Variants in PML observed in about 807,000 individuals in gnomAD.
PML encodes PML nuclear body scaffold.
A neutral mutation model predicts 65.2 loss-of-function variants in PML; 28 were observed. That is an observed-to-expected ratio of 0.43 (90% CI 0.32 to 0.59). The LOEUF (loss-of-function observed/expected upper bound fraction) is 0.59, where lower values mean the gene tolerates loss of function less well. PML is among the 20% of genes least tolerant of loss of function. The probability of loss-of-function intolerance (pLI) is 0.08; values close to 1 mark genes in which losing one functional copy is unlikely to be tolerated. For synonymous variants in PML, 500 were observed against 508.8 expected, an observed-to-expected ratio of 0.98 and a Z score of 0.23; for missense variants, 1,021 against 1,203.4, an observed-to-expected ratio of 0.85 and a Z score of 2.24.
chr15:74,027,272 C>T (rs1339342644), intron 4 of PML: 1 of 152,160 alleles, frequency 6.6e-6, no homozygotes, highest in Non-Finnish European at 1.5e-5. Flanking sequence ...AATAATAAGG[C>T]CAGGTGTGGT....
At position 74,012,064 on chromosome 15, in the gene PML, A is replaced by C. The variant is rs138868913; in HGVS notation, c.603-10764A>C. 5.6e-3 allele frequency among the ~76,000 whole-genome samples: 850 copies of C among 152,360 alleles called. 8 individuals are homozygous for C. The highest frequency in any genetic ancestry group is 0.02 in the African/African-American group (823 of 41,578). On this transcript the variant is annotated intron_variant, in intron 2 of 8. Transcript: ENST00000268058. ...CCCTTTTACAGAAGATAAAGAAACT[A>C]AAGTGAAATTAGACTTGCTGAACTT...
intron 4 of PML, chr15:74,031,122 A>T (rs1008192387): frequency 3.4e-6 from 1 of 293,556 alleles, no homozygotes; most frequent in Middle Eastern, 4.2e-4. Flanking sequence ...CCCCTTACCC[A>T]TGAAGCAGTC....
At chr15:74,033,579 G>A (rs1298335597) in intron 6 of PML, 165 bp downstream of exon 6, 8 of 791,236 alleles carry the variant, frequency 1.0e-5, no homozygotes, top group East Asian at 2.7e-5. Context: ...GGGTGAGAGT[G>A]GACACAGTTT....
In PML at chr15:74,037,362, G is replaced by A. The variant is rs1333733433; in HGVS notation, c.1710+2832G>A. The A allele has an allele frequency of 1.0e-6, 1 of 985,228 alleles. No individual in the cohort carries two copies. The highest frequency in any genetic ancestry group is 1.2e-6 in the Non-Finnish European group (1 of 829,908). 61.0% of individuals were successfully genotyped at this position (985,228 alleles called of 1,614,324 possible). On this transcript the variant is annotated intron_variant, in intron 7 of 8. Transcript: ENST00000268058. The surrounding 1 kb of genome is among the most constrained non-coding windows in gnomAD (Gnocchi z 4.2). ...TGGAAGGGATGTCCACCTGCCTCCA[G>A]GACTCACCCTGTGTCCTGGCCCCAG...
Position 74,037,031 on chromosome 15 carries a change from A to T in PML, c.1710+2501A>T. ...CCAGCAGAAAATCCTGGAAGGACTC[A>T]GGAGCTTGTCGCCTCTGTGCTGCCA... On this transcript the variant is annotated intron_variant, in intron 7 of 8. Coordinates refer to ENST00000268058, the MANE Select transcript of PML (RefSeq NM_033238.3). This position sits in a 1 kb window ranked among gnomAD's most constrained non-coding sequence, Gnocchi z 4.2. 1 of 985,416 alleles carries T rather than the reference A, an allele frequency of 1.0e-6. No homozygotes were observed. The highest frequency in any genetic ancestry group is 1.7e-5 in the African/African-American group (1 of 57,362). 61.0% of individuals were successfully genotyped at this position (985,416 alleles called of 1,614,324 possible). A position where few individuals can be genotyped will look rare whatever the true frequency, so the allele number is the denominator to read the frequency against.
In PML at chr15:74,045,308, G is replaced by T. The variant is rs1003116527; in HGVS notation, c.*300G>T. ...GAAGGCATGACCTCTGGGCTCTCTA[G>T]GTGGCCCTGGTCTTGCCCCATCCAT... On this transcript the variant is annotated 3_prime_UTR_variant, in exon 9 of 9. Coordinates refer to ENST00000268058, the MANE Select transcript of PML (RefSeq NM_033238.3). 7.1e-6 allele frequency: 3 copies of T among 423,498 alleles called. No individual in the cohort carries two copies. The highest frequency in any genetic ancestry group is 6.1e-4 in the Middle Eastern group (1 of 1,640). The allele number at this position is 423,498 out of a possible 1,614,324, so 26.2% of individuals were successfully genotyped here.
At position 74,044,283 on chromosome 15, in the gene PML, C is replaced by G. The variant is rs747332047; in HGVS notation, c.1924C>G (p.Pro642Ala). The change falls in exon 9 of 9, where the codon CCT (proline) becomes GCT (alanine). Residue 642 changes from proline to alanine, a missense_variant. Coordinates refer to ENST00000268058, the MANE Select transcript of PML (RefSeq NM_033238.3). ...AAGCAAGTTCCGCGTGGTCATCCAGCCTGAAGCCTTCTTCAGCATCTACTC... is the reference window on the plus strand; with the variant it reads ...AAGCAAGTTCCGCGTGGTCATCCAGGCTGAAGCCTTCTTCAGCATCTACTC... ...RESKFRVVIQPEAFFSIYSKA... is the reference protein window; with the variant it reads ...RESKFRVVIQAEAFFSIYSKA... 1.2e-6 allele frequency: 2 copies of G among 1,614,088 alleles called. No homozygotes were observed. The highest frequency in any genetic ancestry group is 1.7e-6 in the Non-Finnish European group (2 of 1,180,008).
intron 1 of PML, 92 bp downstream of exon 1, chr15:73,995,033 T>A (rs2069403813): frequency 8.3e-7 from 1 of 1,203,198 alleles, no homozygotes; most frequent in African/African-American, 1.5e-5. Flanking sequence ...GAGGATTTGG[T>A]CAAGTACCCT....
chr15:74,001,818 G>A (rs1039340763), intron 2 of PML, among the ~76,000 whole-genome samples: 1 of 152,006 alleles, frequency 6.6e-6, no homozygotes, highest in Admixed American at 6.5e-5. Flanking sequence ...GGGCAACATA[G>A]CAAGACCTCA....
chr15:74,033,017 C>A, intron 5 of PML, 139 bp from the exon 6 acceptor site: 1 of 896,126 alleles, frequency 1.1e-6, no homozygotes, highest in Non-Finnish European at 1.8e-6. Context: ...TGAAGAGAGA[C>A]GTAATCTGCG....
chr15:74,034,377 C>T (rs1318658213), intron 6 of PML, 101 bp from the exon 7 acceptor site: 7 of 1,525,972 alleles, frequency 4.6e-6, no homozygotes, highest in Middle Eastern at 3.4e-4. Flanking sequence ...TCCGTTTCCC[C>T]CAGCCGACTG....
chr15:74,033,159 G>A lies in PML; in HGVS notation c.1402G>A (p.Val468Ile). Residue 468 changes from valine to isoleucine, a missense_variant, in exon 6 of 9, where the codon GTC becomes ATC. Physicochemically the swap from Val to Ile is conservative, Grantham distance 29. Transcript: ENST00000268058. The part of the protein sequence containing the change: ...SIKGPSYGED[V>I]SNTTTAQKRK... ...CTCTGTGACTCCCTCTATGCAGGAT[G>A]TCTCCAATACAACGACAGCCCAGAA... The A allele has an allele frequency of 6.2e-7, 1 of 1,614,096 alleles. No homozygotes were observed. Among genetic ancestry groups the A allele is most frequent in the Non-Finnish European group, 8.5e-7 (1 of 1,179,984 alleles).
chr15:74,008,532 A>G (rs2070170565), intron 2 of PML, among the ~76,000 whole-genome samples: 1 of 152,020 alleles, frequency 6.6e-6, no homozygotes, highest in Admixed American at 6.6e-5. Context: ...AGGTCAGGAG[A>G]TTGAGACCAT....
chr15:74,035,518 G>T lies in PML; in HGVS notation c.1710+988G>T, dbSNP rs1340348591. ...TTGCATCGGGCCCCTATTCGGACTT[G>T]GTCTCCCCATGTGGTCCAAGCCAGC... On this transcript the variant is annotated intron_variant, in intron 7 of 8. Coordinates refer to ENST00000268058, the MANE Select transcript of PML (RefSeq NM_033238.3). The surrounding 1 kb of genome is among the most constrained non-coding windows in gnomAD (Gnocchi z 4.1). 6.2e-7 allele frequency: 1 copy of T among 1,611,380 alleles called. No homozygotes were observed. Among genetic ancestry groups the T allele is most frequent in the Admixed American group, 1.7e-5 (1 of 59,998 alleles).
chr15:74,025,975 T>C (rs928014011), intron 4 of PML: 7 of 152,150 alleles, frequency 4.6e-5, no homozygotes, highest in African/African-American at 1.7e-4. Flanking sequence ...GTGCTGTAGG[T>C]TGAGGCAATC....
Position 74,024,867 on chromosome 15 carries a change from A to T in PML, c.1194A>T (p.Val398=). The change falls in exon 4 of 9, where the codon GTA becomes GTT. Residue 398 remains valine (V), a synonymous_variant. Transcript: ENST00000268058. Reference sequence around the variant, plus strand: ...CTTTGTGTTCTACAGATGCAGCTGTATCCAAGAAAGCCAGCCCAGAGGCTG... The same window carrying T: ...CTTTGTGTTCTACAGATGCAGCTGTTTCCAAGAAAGCCAGCCCAGAGGCTG... ...SCITQGKDAA[V]SKKASPEAAS... is the part of the protein sequence containing the mutation. The T allele has an allele frequency of 6.2e-7, 1 of 1,613,388 alleles. No homozygotes were observed.
At chr15:74,028,568 C>G (rs2071183087) in intron 4 of PML, 1 of 152,158 alleles carries the variant, frequency 6.6e-6, no homozygotes, top group Non-Finnish European at 1.5e-5. Flanking sequence ...TGAGTACATT[C>G]ACACTGCTGT....
chr15:74,035,032 T>C lies in PML; in HGVS notation c.1710+502T>C. The C allele has an allele frequency of 6.7e-7, 1 of 1,489,814 alleles. No individual in the cohort carries two copies. Among genetic ancestry groups the C allele is most frequent in the Non-Finnish European group, 9.2e-7 (1 of 1,085,178 alleles). The allele number at this position is 1,489,814 out of a possible 1,614,324, so 92.3% of individuals were successfully genotyped here. On this transcript the variant is annotated intron_variant, in intron 7 of 8. Transcript: ENST00000268058. This position sits in a 1 kb window ranked among gnomAD's most constrained non-coding sequence, Gnocchi z 4.1. ...CAGGTGGCCTCGTGGGTAGTGACCC[T>C]TCTGTCCCTAGAGGTTTATTACTAG... is the stretch of plus-strand genomic sequence containing the variant.
chr15:74,010,728 A>G (rs550881776), intron 2 of PML, among the ~76,000 whole-genome samples: 19 of 152,158 alleles, frequency 1.2e-4, no homozygotes, highest in Non-Finnish European at 2.8e-4. Context: ...GGAGAGTTTC[A>G]GCCTATGGAT....
Sources: allele counts gnomAD v4.1 joint callset (sites outside exome capture counted in the v4.1 genomes callset), GRCh38; gene constraint gnomAD v4.1.1; non-coding constraint Gnocchi (gnomAD v3.1); transcripts MANE v1.5; gene names NCBI Gene and HGNC (gene_info 2026-07-23, HGNC 2026-07-21).